EPHA7: variants seen among roughly 807,000 people sequenced by gnomAD.
The protein encoded by EPHA7 is EPH receptor A7, also known as ephrin type-A receptor 7.
A neutral mutation model predicts 112.6 loss-of-function variants in EPHA7; 25 were observed. The observed-to-expected ratio is 0.22, with a 90% CI of 0.16 to 0.31. The LOEUF (loss-of-function observed/expected upper bound fraction) is 0.31, where lower values mean the gene tolerates loss of function less well. Among genes scored for constraint, EPHA7 ranks in the 10% least tolerant of loss-of-function variants. The pLI is 1.00. For synonymous variants in EPHA7, 437 were observed against 406.5 expected, an observed-to-expected ratio of 1.07 and a Z score of -0.90; for missense variants, 962 against 1,212.6, an observed-to-expected ratio of 0.79 and a Z score of 3.07.
chr6:93,397,380 T>A (rs367629165), intron 3 of EPHA7, among the ~76,000 whole-genome samples: 4 of 152,070 alleles, frequency 2.6e-5, no homozygotes, highest in East Asian at 3.9e-4. Flanking sequence ...TCTTCCAATA[T>A]GGGAGCCAGA....
intron 3 of EPHA7, among the ~76,000 whole-genome samples, chr6:93,384,348 T>TC (rs950892377): frequency 6.6e-6 from 1 of 152,144 alleles, no homozygotes; most frequent in Admixed American, 6.6e-5. Context: ...CATATCTAGT[T>TC]CAGTATTCAG....
At chr6:93,406,151 C>T (rs956160724) in intron 3 of EPHA7, among the ~76,000 whole-genome samples, 5 of 150,810 alleles carry the variant, frequency 3.3e-5, no homozygotes, top group African/African-American at 1.2e-4. Flanking sequence ...ACTTGAATTC[C>T]CCTTTACATG....
At chr6:93,280,095 T>C (rs1219827079) in intron 5 of EPHA7, among the ~76,000 whole-genome samples, 1 of 152,178 alleles carries the variant, frequency 6.6e-6, no homozygotes, top group African/African-American at 2.4e-5. Flanking sequence ...AGTTACTACC[T>C]TCCAGGAGAT....
intron 5 of EPHA7, among the ~76,000 whole-genome samples, chr6:93,356,327 C>T (rs577937557): frequency 7.1e-4 from 108 of 152,064 alleles, no homozygotes; most frequent in African/African-American, 2.4e-3. Flanking sequence ...CCTGCCTCAG[C>T]CTCTCAAGTA....
intron 3 of EPHA7, among the ~76,000 whole-genome samples, chr6:93,381,483 G>C (rs1240209538): frequency 5.3e-5 from 8 of 151,950 alleles, no homozygotes; most frequent in African/African-American, 1.9e-4. Flanking sequence ...TTAAAAACTA[G>C]GATTTTTTGA....
At chr6:93,287,459 C>T (rs1772124227) in intron 5 of EPHA7, among the ~76,000 whole-genome samples, 1 of 151,444 alleles carries the variant, frequency 6.6e-6, no homozygotes, top group African/African-American at 2.4e-5. Context: ...TTTTTAATCT[C>T]TCTGTCCTTT....
chr6:93,261,088 C>CT (rs1446593519), intron 9 of EPHA7, among the ~76,000 whole-genome samples: 1 of 151,426 alleles, frequency 6.6e-6, no homozygotes, highest in Non-Finnish European at 1.5e-5. Context: ...CAGACCAGAG[C>CT]TTTTTTTGGC....
At position 93,365,937 on chromosome 6, in the gene EPHA7, A is replaced by G. The variant is rs558760084; in HGVS notation, c.833-7526T>C. Among the ~76,000 whole-genome samples the G allele has an allele frequency of 4.0e-5, 6 of 150,706 alleles. No homozygotes were observed. In the South Asian group the frequency reaches 1.2e-3, roughly 31 times the overall value. On this transcript the variant is annotated intron_variant, in intron 3 of 16. Coordinates refer to ENST00000369303, the MANE Select transcript of EPHA7 (RefSeq NM_004440.4). ...ATAACATATAGTGGAAAAGAAAAACATGTAAAATAAGAAGCTTTAAAAAGT... is the reference window on the plus strand; with the variant it reads ...ATAACATATAGTGGAAAAGAAAAACGTGTAAAATAAGAAGCTTTAAAAAGT...
In EPHA7 at chr6:93,410,608, G is replaced by T. The variant is rs370195460; in HGVS notation, c.725C>A (p.Ala242Glu). 1 of 1,613,934 alleles carries T rather than the reference G, an allele frequency of 6.2e-7. No individual in the cohort carries two copies. The highest frequency in any genetic ancestry group is 1.1e-5 in the South Asian group (1 of 91,078). ...GTCVSSAEEE[A>E]ENAPRMHCSA... ...GCAGTGCATCCTGGGGGCGTTTTCCGCTTCTTCCTCTGCACTGCTGACACA... is the reference window on the plus strand; with the variant it reads ...GCAGTGCATCCTGGGGGCGTTTTCCTCTTCTTCCTCTGCACTGCTGACACA... Residue 242 changes from alanine to glutamate, a missense_variant, in exon 3 of 17, where the codon GCG becomes GAG. By Grantham distance (107) the Ala-to-Glu change is moderately radical (BLOSUM62 -1). Transcript: ENST00000369303. This position sits in a 1 kb window ranked among gnomAD's most constrained non-coding sequence, Gnocchi z 4.0.
In EPHA7 at chr6:93,410,711, T is replaced by A. The variant is rs2127994647; in HGVS notation, c.622A>T (p.Ile208Phe). The stretch of plus-strand genomic sequence containing the variant: ...GGAAAGATAGCTAAGTTCTCAATAA[T>A]GGACCAGCACTTCTTGTAGTACACT... ...VKVYYKKCWS[I>F]IENLAIFPDT... Residue 208 changes from isoleucine (I) to phenylalanine (F), a missense_variant, in exon 3 of 17, where the codon ATT becomes TTT. Coordinates refer to ENST00000369303, the MANE Select transcript of EPHA7 (RefSeq NM_004440.4). The surrounding 1 kb of genome is among the most constrained non-coding windows in gnomAD (Gnocchi z 4.0). 2 of 1,614,062 alleles carry A rather than the reference T, an allele frequency of 1.2e-6. No homozygotes were observed. Among genetic ancestry groups the A allele is most frequent in the East Asian group, 2.2e-5 (1 of 44,862 alleles).
rs202190335 is a variant in EPHA7, at chr6:93,241,194, G to C, written c.*2232C>G. On this transcript the variant is annotated 3_prime_UTR_variant, in exon 17 of 17. Coordinates refer to ENST00000369303, the MANE Select transcript of EPHA7 (RefSeq NM_004440.4). The stretch of plus-strand genomic sequence containing the variant: ...GTCTTCTATTTCTAGAATGGCTTTT[G>C]TTAATTTAATTTTAATAGAAAAAAT... The C allele has an allele frequency of 5.2e-5, 11 of 213,178 alleles. No homozygotes were observed. The highest frequency in any genetic ancestry group is 8.5e-5 in the Non-Finnish European group (9 of 105,430). The allele number at this position is 213,178 out of a possible 1,614,324, so 13.2% of individuals were successfully genotyped here.
chr6:93,283,754 G>C (rs1771903060), intron 5 of EPHA7, among the ~76,000 whole-genome samples: 1 of 152,122 alleles, frequency 6.6e-6, no homozygotes, highest in Non-Finnish European at 1.5e-5. Context: ...CTCACCACGA[G>C]GGTCCGCGGC....
chr6:93,394,351 G>A lies in EPHA7; in HGVS notation c.832+16150C>T, dbSNP rs188189722. On this transcript the variant is annotated intron_variant, in intron 3 of 16. Coordinates refer to ENST00000369303, the MANE Select transcript of EPHA7 (RefSeq NM_004440.4). ...GAGGATAAACAATTGATGAGAGAGA[G>A]AGAAAAGTCAGAACTCAGCGAAGTT... 5.3e-5 allele frequency among the ~76,000 whole-genome samples: 8 copies of A among 150,538 alleles called. No individual in the cohort carries two copies. In the East Asian group the frequency reaches 1.4e-3, roughly 26 times the overall value.
intron 3 of EPHA7, among the ~76,000 whole-genome samples, chr6:93,382,782 T>A (rs1447564591): frequency 2.0e-5 from 3 of 152,076 alleles, no homozygotes; most frequent in Non-Finnish European, 4.4e-5. Flanking sequence ...TCCTTCCAGC[T>A]TTTTCTACCA....
At chr6:93,256,089 C>T in intron 12 of EPHA7, 52 bp from the exon 13 acceptor site, 1 of 1,496,292 alleles carries the variant, frequency 6.7e-7, no homozygotes, top group South Asian at 1.2e-5. Flanking sequence ...TTAAAAGGGA[C>T]AAAAATCACC....
chr6:93,391,060 C>G (rs1163190007), intron 3 of EPHA7, among the ~76,000 whole-genome samples: 1 of 151,836 alleles, frequency 6.6e-6, no homozygotes, highest in African/African-American at 2.4e-5. Context: ...AATCATTTTC[C>G]CTCATTAAAA....
chr6:93,332,552 G>A (rs1000783738), intron 5 of EPHA7, among the ~76,000 whole-genome samples: 2 of 151,462 alleles, frequency 1.3e-5, no homozygotes, highest in African/African-American at 4.8e-5. Flanking sequence ...TAATTTTTGT[G>A]CTATATGGTA....
chr6:93,267,478 G>A (rs965269030), intron 7 of EPHA7, among the ~76,000 whole-genome samples: 2 of 151,626 alleles, frequency 1.3e-5, no homozygotes, highest in African/African-American at 4.8e-5. Flanking sequence ...ACTCTATGTT[G>A]ATCAGTGTGA....
At chr6:93,267,840 C>CATAA in intron 7 of EPHA7, among the ~76,000 whole-genome samples, 1 of 151,740 alleles carries the variant, frequency 6.6e-6, no homozygotes, top group Middle Eastern at 3.4e-3. Flanking sequence ...CATCTTGAAA[C>CATAA]TTTTGAAATC....
Sources: allele counts gnomAD v4.1 joint callset (sites outside exome capture counted in the v4.1 genomes callset), GRCh38; gene constraint gnomAD v4.1.1; non-coding constraint Gnocchi (gnomAD v3.1); transcripts MANE v1.5; gene names NCBI Gene and HGNC (gene_info 2026-07-23, HGNC 2026-07-21).